The following MPPED2 variants were observed in gnomAD, a reference collection of about 807,000 sequenced individuals.
MPPED2 encodes metallophosphoesterase MPPED2.
Under a neutral mutation model 33.0 loss-of-function variants are expected in MPPED2, and 5 were observed. That is an observed-to-expected ratio of 0.15 (90% CI 0.08 to 0.32). MPPED2 has a LOEUF of 0.32. MPPED2 is among the 10% of genes least tolerant of loss of function. MPPED2 has a pLI of 1.00. For missense variants in MPPED2, 275 were observed against 372.1 expected (o/e 0.74, Z 2.15); for synonymous variants, 136 against 141.9 (o/e 0.96, Z 0.29).
At chr11:30,575,434 A>G (rs1181132866) in intron 2 of MPPED2, among the ~76,000 whole-genome samples, 1 of 152,192 alleles carries the variant, frequency 6.6e-6, no homozygotes, top group East Asian at 1.9e-4. Context: ...AACCTATTTT[A>G]CAGATGAGAA....
chr11:30,434,785 A>C (rs1199765188), intron 4 of MPPED2, among the ~76,000 whole-genome samples: 1 of 152,202 alleles, frequency 6.6e-6, no homozygotes, highest in East Asian at 1.9e-4. Context: ...AAACAATTGT[A>C]CAGTTATCTG....
At chr11:30,530,187 A>G (rs921027723) in intron 3 of MPPED2, among the ~76,000 whole-genome samples, 8 of 152,218 alleles carry the variant, frequency 5.3e-5, no homozygotes, top group African/African-American at 1.9e-4. Context: ...AATCAACAAC[A>G]ACAGCCAATG....
intron 4 of MPPED2, among the ~76,000 whole-genome samples, chr11:30,424,985 G>C (rs754996141): frequency 6.6e-6 from 1 of 152,244 alleles, no homozygotes; most frequent in Non-Finnish European, 1.5e-5. Flanking sequence ...CCAAAGGGTA[G>C]TGCTGGCTTC....
intron 6 of MPPED2, among the ~76,000 whole-genome samples, chr11:30,401,531 T>C (rs1285900707): frequency 2.0e-5 from 3 of 152,226 alleles, no homozygotes; most frequent in African/African-American, 7.2e-5. Context: ...GCCTCATCCC[T>C]AGAATAGGGC....
Position 30,411,321 on chromosome 11 carries a change from A to G in MPPED2, c.*147T>C, listed in dbSNP as rs1015230187. ...CCCATTTAAAATAAAATAAAATAAG[A>G]AGCACAACCTCTAGCATCATTTGTG... On this transcript the variant is annotated 3_prime_UTR_variant, in exon 7 of 7. Coordinates refer to ENST00000358117, the MANE Select transcript of MPPED2 (RefSeq NM_001584.3). 3.1e-6 allele frequency: 4 copies of G among 1,283,638 alleles called. No individual in the cohort carries two copies. The highest frequency in any genetic ancestry group is 7.0e-5 in the Admixed American group (2 of 28,710). The allele number at this position is 1,283,638 out of a possible 1,614,324, so 79.5% of individuals were successfully genotyped here.
Position 30,434,711 on chromosome 11 carries a change from C to G in MPPED2, c.537-17078G>C, listed in dbSNP as rs76189504. Reference sequence around the variant, plus strand: ...GATACCTATGAAATGCTTAGATCAACCTGGCACATAAGAAGCTCTCAGTAA... The same window carrying G: ...GATACCTATGAAATGCTTAGATCAAGCTGGCACATAAGAAGCTCTCAGTAA... On this transcript the variant is annotated intron_variant, in intron 4 of 6. Coordinates refer to ENST00000358117, the MANE Select transcript of MPPED2 (RefSeq NM_001584.3). Among the ~76,000 whole-genome samples, 896 of 152,232 alleles carry G rather than the reference C, an allele frequency of 5.9e-3. 16 individuals are homozygous for G. Among genetic ancestry groups the G allele is most frequent in the African/African-American group, 0.021 (853 of 41,520 alleles).
chr11:30,407,179 G>C (rs902657168), downstream of MPPED2, among the ~76,000 whole-genome samples: 1 of 152,200 alleles, frequency 6.6e-6, no homozygotes, highest in Non-Finnish European at 1.5e-5. Context: ...ACAGTGACCT[G>C]TTTCTAAAGG....
chr11:30,387,290 T>G (rs1264059940), exon 7 of MPPED2: 1 of 152,456 alleles, frequency 6.6e-6, no homozygotes, highest in South Asian at 2.1e-4. Flanking sequence ...AAGCAGATGC[T>G]GTGTGCTTGT....
chr11:30,455,486 T>C (rs1950242380), intron 4 of MPPED2, among the ~76,000 whole-genome samples: 1 of 152,254 alleles, frequency 6.6e-6, no homozygotes, highest in South Asian at 2.1e-4. Context: ...TGGCAATAGT[T>C]CTATTTTTAT....
At chr11:30,535,129 T>C (rs1954742688) in intron 3 of MPPED2, among the ~76,000 whole-genome samples, 1 of 152,194 alleles carries the variant, frequency 6.6e-6, no homozygotes, top group Non-Finnish European at 1.5e-5. Context: ...TATCATTTAA[T>C]CGAAAATTTA....
At chr11:30,403,195 C>T (rs930001545) in intron 6 of MPPED2, among the ~76,000 whole-genome samples, 22 of 149,286 alleles carry the variant, frequency 1.5e-4, no homozygotes, top group South Asian at 4.2e-4. Context: ...TGCCGTGAGC[C>T]GAGATCGCGC....
At chr11:30,551,962 C>T (rs1347105833) in intron 2 of MPPED2, among the ~76,000 whole-genome samples, 4 of 152,300 alleles carry the variant, frequency 2.6e-5, no homozygotes, top group Admixed American at 1.3e-4. Flanking sequence ...TGCAAAATTT[C>T]TCAGGATTGC....
intron 4 of MPPED2, among the ~76,000 whole-genome samples, chr11:30,460,750 T>C (rs1475432486): frequency 1.3e-5 from 2 of 152,202 alleles, no homozygotes; most frequent in Admixed American, 6.5e-5. Context: ...TTATGTCTGC[T>C]AAAAAGTAGC....
downstream of MPPED2, among the ~76,000 whole-genome samples, chr11:30,409,765 C>T (rs542401521): frequency 1.3e-5 from 2 of 152,232 alleles, no homozygotes; most frequent in East Asian, 3.9e-4. Flanking sequence ...GTTTTCGCCA[C>T]CCTTCTGCTA....
Position 30,417,600 on chromosome 11 carries a change from T to C in MPPED2, c.570A>G (p.Leu190=), listed in dbSNP as rs772620315. The stretch of plus-strand genomic sequence containing the variant: ...TGTCCAGCAGAGACTGACCTCTGGG[T>C]AGGTTAAAGCCCCATCCATTAAACC... ...TPWFNGWGFN[L]PRGQSLLDKW... Residue 190 remains leucine, a synonymous_variant, in exon 5 of 7, where the codon CTA becomes CTG. Coordinates refer to ENST00000358117, the MANE Select transcript of MPPED2 (RefSeq NM_001584.3). The C allele has an allele frequency of 2.9e-5, 47 of 1,612,990 alleles. No individual in the cohort carries two copies. Among genetic ancestry groups the C allele is most frequent in the Non-Finnish European group, 3.9e-5 (46 of 1,179,446 alleles).
chr11:30,486,723 C>T (rs1361693521), intron 4 of MPPED2, among the ~76,000 whole-genome samples: 5 of 152,138 alleles, frequency 3.3e-5, no homozygotes, highest in Non-Finnish European at 5.9e-5. Flanking sequence ...TTTTATTGAA[C>T]GATGCTCACC....
intron 2 of MPPED2, among the ~76,000 whole-genome samples, chr11:30,553,650 T>A (rs1955828596): frequency 6.6e-6 from 1 of 152,290 alleles, no homozygotes; most frequent in Admixed American, 6.5e-5. Context: ...AGAAACTGCT[T>A]CAAGTTGAAA....
intron 2 of MPPED2, among the ~76,000 whole-genome samples, chr11:30,571,838 C>T (rs1956708177): frequency 1.3e-5 from 2 of 152,140 alleles, no homozygotes; most frequent in Non-Finnish European, 2.9e-5. Context: ...GCTTTGAAAG[C>T]TTAGAATTAA....
chr11:30,543,422 G>A (rs1006816365), intron 2 of MPPED2, among the ~76,000 whole-genome samples: 2 of 152,212 alleles, frequency 1.3e-5, no homozygotes, highest in Non-Finnish European at 2.9e-5. Flanking sequence ...AGTGTGAAAA[G>A]AGAGGCAAGA....
Sources: gnomAD v4.1 joint callset for allele counts (sites outside exome capture counted in the v4.1 genomes callset) on GRCh38, gnomAD v4.1.1 for gene constraint, MANE v1.5 for transcripts, NCBI Gene and HGNC (gene_info 2026-07-23, HGNC 2026-07-21) for gene names.